COPZ2: variants seen among roughly 807,000 people sequenced by gnomAD.
The protein encoded by COPZ2 is coat protein complex I subunit zeta 2.
In COPZ2, 30 loss-of-function variants were observed where a neutral mutation model predicts 33.2. The observed-to-expected ratio is 0.90, with a 90% confidence interval of 0.68 to 1.23. The LOEUF (loss-of-function observed/expected upper bound fraction) is 1.23, where lower values mean the gene tolerates loss of function less well. Ranked by LOEUF, COPZ2 falls within the 50% of genes most tolerant of loss-of-function variation. The pLI, the probability that COPZ2 is intolerant of heterozygous loss-of-function variation, is 0.00. For missense variants in COPZ2, 263 were observed against 262.4 expected, an observed-to-expected ratio of 1.00 and a Z score of -0.02; for synonymous variants, 89 against 102.6, an observed-to-expected ratio of 0.87 and a Z score of 0.80.
At chr17:48,044,333 C>A in the COPZ2 span, among the ~76,000 whole-genome samples, 5 of 150,036 alleles carry the variant, frequency 3.3e-5, no homozygotes, top group Admixed American at 3.3e-4. Context: ...GACCACAGAG[C>A]GACTCCATCT....
In COPZ2 at chr17:48,037,276, T is replaced by C. The variant is rs773853057; in HGVS notation, c.112-351A>G. 1 of 542,032 alleles carries C rather than the reference T, an allele frequency of 1.8e-6. No individual in the cohort carries two copies. Among genetic ancestry groups the C allele is most frequent in the African/African-American group, 1.9e-5 (1 of 51,960 alleles). The allele number at this position is 542,032 out of a possible 1,614,324, so 33.6% of individuals were successfully genotyped here. A position where few individuals can be genotyped will look rare whatever the true frequency, so the allele number is the denominator to read the frequency against. On this transcript the variant is annotated intron_variant, in intron 1 of 8. Transcript: ENST00000621465. This position sits in a 1 kb window ranked among gnomAD's most constrained non-coding sequence, Gnocchi z 5.6. ...GGCCGAGCCTCCTTCTTCCAGCTGATCCCTGGCCGGGCTGGACCTGCGCTA... is the reference window on the plus strand; with the variant it reads ...GGCCGAGCCTCCTTCTTCCAGCTGACCCCTGGCCGGGCTGGACCTGCGCTA...
At position 48,032,251 on chromosome 17, in the gene COPZ2, C is replaced by T; in HGVS notation, c.417-18G>A. ...CGTTCTTCCTGAAGGTGGACACAAG[C>T]TCCTGAGCCTCCCTGTGGCTGGGAG... On this transcript the variant is annotated intron_variant, in intron 5 of 8. Coordinates refer to ENST00000621465, the MANE Select transcript of COPZ2 (RefSeq NM_016429.4). 1.4e-5 allele frequency: 22 copies of T among 1,605,818 alleles called. No homozygotes were observed. The highest frequency in any genetic ancestry group is 1.7e-5 in the Non-Finnish European group (20 of 1,175,926).
chr17:48,032,047 GA>G, intron 6 of COPZ2, 108 bp downstream of exon 6: 1 of 817,792 alleles, frequency 1.2e-6, no homozygotes, highest in Non-Finnish European at 2.1e-6. Flanking sequence ...TATGCTGGGG[GA>G]AGGGAGTGAG....
In COPZ2 at chr17:48,030,542, C is replaced by T. The variant is rs530060309; in HGVS notation, c.495-1366G>A. Among the ~76,000 whole-genome samples, 7 of 152,252 alleles carry T rather than the reference C, an allele frequency of 4.6e-5. No homozygotes were observed. In the South Asian group the frequency reaches 1.5e-3, roughly 32 times the overall value. On this transcript the variant is annotated intron_variant, in intron 6 of 8. Transcript: ENST00000621465. ...GCAGAAGCTTTGTTTCTCTTTGTTA[C>T]TAAATCACTGGAAATGACAAACATT...
At chr17:48,047,960 TCCTATTC>T in the COPZ2 span, 1 of 152,306 alleles carries the variant, frequency 6.6e-6, no homozygotes, top group Non-Finnish European at 1.5e-5. Flanking sequence ...CGATACACCT[TCCTATTC>T]CCTGACCTAG....
At chr17:48,044,547 T>C in the COPZ2 span, among the ~76,000 whole-genome samples, 1 of 152,054 alleles carries the variant, frequency 6.6e-6, no homozygotes, top group Non-Finnish European at 1.5e-5. Context: ...GCTGTTTTAA[T>C]TGGTGTGGGG....
chr17:48,033,340 C>A, intron 3 of COPZ2, 38 bp from the exon 4 acceptor site: 1 of 1,276,072 alleles, frequency 7.8e-7, no homozygotes, highest in Non-Finnish European at 1.1e-6. Flanking sequence ...GGCCACCTTG[C>A]CTGGTCCTAG....
upstream of COPZ2, chr17:48,037,859 C>A (rs2037017641): frequency 1.0e-6 from 1 of 982,632 alleles, no homozygotes; most frequent in Admixed American, 6.2e-5. The surrounding 1 kb of genome is among the most constrained non-coding windows in gnomAD (Gnocchi z 5.6). Context: ...CCCGCGGCCC[C>A]CTCTCGCGCG....
At chr17:48,036,317 T>G (rs2036981969) in intron 2 of COPZ2, among the ~76,000 whole-genome samples, 1 of 152,198 alleles carries the variant, frequency 6.6e-6, no homozygotes, top group Admixed American at 6.5e-5. Context: ...AGTTTGGATC[T>G]GTTAGGATAT....
In COPZ2 at chr17:48,028,504, C is replaced by T. The variant is rs2036847241; in HGVS notation, c.553G>A (p.Asp185Asn). Residue 185 changes from aspartate to asparagine, a missense_variant, in exon 8 of 9, where the codon GAT becomes AAT. Transcript: ENST00000621465. This position sits in a 1 kb window ranked among gnomAD's most constrained non-coding sequence, Gnocchi z 4.5. ...VIQKVNFRAD[D>N]GGLTEQSVAQ... ...ACACTCTGTTCAGTCAAGCCGCCAT[C>T]ATCTGCCTGTAAGGAAGCAGAGTCA... 1 of 1,608,300 alleles carries T rather than the reference C, an allele frequency of 6.2e-7. No homozygotes were observed. Among genetic ancestry groups the T allele is most frequent in the South Asian group, 1.1e-5 (1 of 89,772 alleles).
chr17:48,047,531 C>G, the COPZ2 span: 1 of 152,074 alleles, frequency 6.6e-6, no homozygotes, highest in Non-Finnish European at 1.5e-5. Context: ...TGAGAAACAT[C>G]CCTAAAAAAG....
intron 8 of COPZ2, 136 bp from the exon 9 acceptor site, chr17:48,026,611 C>T (rs2036820961): frequency 1.5e-6 from 1 of 652,262 alleles, no homozygotes; most frequent in Admixed American, 2.5e-5. Flanking sequence ...CAGCTTGTCT[C>T]CACTTGGCTT....
Position 48,028,815 on chromosome 17 carries a change from C to G in COPZ2, c.547-305G>C, listed in dbSNP as rs2036851553. Reference sequence around the variant, plus strand: ...AGGTTCTATCCATACCCCTGACCCCCAACCTCAAGGCCAAGGCAGCCACCT... The same window carrying G: ...AGGTTCTATCCATACCCCTGACCCCGAACCTCAAGGCCAAGGCAGCCACCT... On this transcript the variant is annotated intron_variant, in intron 7 of 8. Transcript: ENST00000621465. This position sits in a 1 kb window ranked among gnomAD's most constrained non-coding sequence, Gnocchi z 4.5. 2.6e-5 allele frequency among the ~76,000 whole-genome samples: 4 copies of G among 152,244 alleles called. No individual in the cohort carries two copies. The highest frequency in any genetic ancestry group is 1.3e-4 in the Admixed American group (2 of 15,294).
At chr17:48,035,866 G>A (rs2036975833) in intron 2 of COPZ2, among the ~76,000 whole-genome samples, 1 of 149,588 alleles carries the variant, frequency 6.7e-6, no homozygotes, top group Non-Finnish European at 1.5e-5. Flanking sequence ...CAATTCTCCT[G>A]CCTCAGCCTC....
chr17:48,036,463 G>A (rs927687948), intron 2 of COPZ2, among the ~76,000 whole-genome samples: 3 of 152,108 alleles, frequency 2.0e-5, no homozygotes, highest in African/African-American at 2.4e-5. Flanking sequence ...AGACTAAATC[G>A]TTAGTGTTTA....
At chr17:48,026,907 C>T (rs2036826016) in intron 8 of COPZ2, among the ~76,000 whole-genome samples, 1 of 152,274 alleles carries the variant, frequency 6.6e-6, no homozygotes, top group South Asian at 2.1e-4. Context: ...CAACCCACTG[C>T]TGATGTGGCA....
At chr17:48,047,682 A>G in the COPZ2 span, 1 of 152,184 alleles carries the variant, frequency 6.6e-6, no homozygotes, top group Admixed American at 6.5e-5. Flanking sequence ...CCCTCATGAT[A>G]TCCGTCCGCG....
chr17:48,033,147 A>T, intron 4 of COPZ2, 64 bp downstream of exon 4: 1 of 1,163,234 alleles, frequency 8.6e-7, no homozygotes, highest in South Asian at 1.3e-5. Context: ...TCAAGCCCAG[A>T]TTCCAAATAA....
chr17:48,040,425 G>A (rs2037050261), upstream of COPZ2, among the ~76,000 whole-genome samples: 1 of 144,770 alleles, frequency 6.9e-6, no homozygotes, highest in Non-Finnish European at 1.5e-5. Context: ...TACAAGGCTT[G>A]GTGACAGATT....
Sources: gnomAD v4.1 joint callset for allele counts (sites outside exome capture counted in the v4.1 genomes callset) on GRCh38, gnomAD v4.1.1 for gene constraint, Gnocchi (gnomAD v3.1) non-coding constraint, MANE v1.5 for transcripts, NCBI Gene and HGNC (gene_info 2026-07-23, HGNC 2026-07-21) for gene names.